Variants in CEP112 observed in about 807,000 individuals in gnomAD.
CEP112 encodes centrosomal protein of 112 kDa.
Under a neutral mutation model 153.0 loss-of-function variants are expected in CEP112, and 127 were observed. That is an observed-to-expected ratio of 0.83 (90% CI 0.72 to 0.96). The LOEUF (loss-of-function observed/expected upper bound fraction) is 0.96. Ranked by LOEUF, CEP112 falls within the 40% of genes least tolerant of loss-of-function variation. The pLI is 0.00. For missense variants in CEP112, 1,089 were observed against 1,101.2 expected (o/e 0.99, Z 0.16); for synonymous variants, 358 against 374.4 (o/e 0.96, Z 0.51).
chr17:65,937,547 G>C (rs1451883339), intron 18 of CEP112, among the ~76,000 whole-genome samples: 3 of 99,340 alleles, frequency 3.0e-5, no homozygotes, highest in East Asian at 5.1e-4. Context: ...CCGGCCAGCC[G>C]CCCCGTCCGG....
chr17:65,920,359 C>CAAACAAACA (rs1178505560), intron 19 of CEP112, among the ~76,000 whole-genome samples: 1 of 29,830 alleles, frequency 3.4e-5, no homozygotes, highest in African/African-American at 1.3e-4. Context: ...AACAAACAAA[C>CAAACAAACA]AAAATATATA....
intron 24 of CEP112, among the ~76,000 whole-genome samples, chr17:65,642,737 G>C (rs565854247): frequency 1.3e-5 from 2 of 152,092 alleles, no homozygotes; most frequent in Non-Finnish European, 2.9e-5. Flanking sequence ...TCAAATGAAG[G>C]AAAAATGCAA....
chr17:66,074,301 G>A (rs1426978875), intron 8 of CEP112, among the ~76,000 whole-genome samples: 1 of 151,992 alleles, frequency 6.6e-6, no homozygotes, highest in Non-Finnish European at 1.5e-5. Flanking sequence ...CAGAAAAAAA[G>A]ATTGAAGAAT....
chr17:65,842,812 T>G (rs978591164), intron 21 of CEP112, among the ~76,000 whole-genome samples: 1 of 152,176 alleles, frequency 6.6e-6, no homozygotes. Flanking sequence ...AAATATTTGA[T>G]TTGGTTTGAT....
At chr17:66,030,550 T>A (rs1285596015) in intron 12 of CEP112, among the ~76,000 whole-genome samples, 3 of 152,328 alleles carry the variant, frequency 2.0e-5, no homozygotes, top group South Asian at 4.1e-4. Flanking sequence ...TAATTAGTTG[T>A]GTTAGTGTGC....
intron 23 of CEP112, among the ~76,000 whole-genome samples, chr17:65,718,365 A>G (rs527621282): frequency 3.6e-4 from 54 of 151,534 alleles, no homozygotes; most frequent in Admixed American, 2.1e-3. Flanking sequence ...CCGAGGTTGC[A>G]CCATTGCACT....
chr17:66,140,767 G>A (rs1019995128), intron 4 of CEP112, among the ~76,000 whole-genome samples: 1 of 151,874 alleles, frequency 6.6e-6, no homozygotes, highest in African/African-American at 2.4e-5. Context: ...CTCCCCGAGT[G>A]GCTGGGATTA....
intron 22 of CEP112, among the ~76,000 whole-genome samples, chr17:65,745,351 ATT>A (rs1031920840): frequency 1.3e-5 from 2 of 152,216 alleles, no homozygotes; most frequent in African/African-American, 4.8e-5. Context: ...TTGATTAAAT[ATT>A]GTTTCCATTC....
chr17:65,841,594 G>T (rs2057520949), intron 21 of CEP112, among the ~76,000 whole-genome samples: 1 of 151,910 alleles, frequency 6.6e-6, no homozygotes, highest in African/African-American at 2.4e-5. Context: ...GCACAGTGGG[G>T]TGACTATAGT....
intron 8 of CEP112, among the ~76,000 whole-genome samples, chr17:66,087,830 G>A (rs1234548170): frequency 6.6e-6 from 1 of 152,052 alleles, no homozygotes; most frequent in Non-Finnish European, 1.5e-5. Context: ...CCTCCACTTG[G>A]GAGGAGGGAA....
intron 16 of CEP112, among the ~76,000 whole-genome samples, chr17:66,015,223 A>T (rs1225160222): frequency 6.6e-6 from 1 of 152,144 alleles, no homozygotes; most frequent in East Asian, 1.9e-4. Context: ...TAATCTTGAG[A>T]TGCTGAGGCA....
At chr17:65,816,908 T>C (rs1223731733) in intron 21 of CEP112, among the ~76,000 whole-genome samples, 1 of 152,042 alleles carries the variant, frequency 6.6e-6, no homozygotes, top group Non-Finnish European at 1.5e-5. Context: ...TGAAGTCACC[T>C]GGTATAAAAT....
intron 17 of CEP112, among the ~76,000 whole-genome samples, chr17:65,997,650 A>T (rs997023982): frequency 3.3e-5 from 5 of 152,172 alleles, no homozygotes; most frequent in African/African-American, 1.2e-4. Context: ...TTAATGTTTT[A>T]TTATAATTTT....
At chr17:66,141,535 A>G (rs1396958332) in intron 4 of CEP112, among the ~76,000 whole-genome samples, 1 of 152,226 alleles carries the variant, frequency 6.6e-6, no homozygotes, top group East Asian at 1.9e-4. Flanking sequence ...TGTAGCTGAA[A>G]TTTTATATGC....
At chr17:66,139,218 A>G (rs2070575974) in intron 4 of CEP112, among the ~76,000 whole-genome samples, 2 of 152,160 alleles carry the variant, frequency 1.3e-5, no homozygotes, top group African/African-American at 4.8e-5. Context: ...AAATTGAAAA[A>G]CCTTTGGCTA....
intron 18 of CEP112, among the ~76,000 whole-genome samples, chr17:65,938,513 C>G (rs1433136183): frequency 6.6e-6 from 1 of 151,522 alleles, no homozygotes; most frequent in Non-Finnish European, 1.5e-5. Context: ...TGGTGAAAAG[C>G]TGAAAGCTCT....
chr17:66,129,601 T>C (rs2070030959), intron 6 of CEP112, 145 bp downstream of exon 6: 3 of 485,040 alleles, frequency 6.2e-6, no homozygotes, highest in Non-Finnish European at 7.3e-6. Context: ...TTATTTCCTA[T>C]ACTTAAGCCC....
chr17:65,937,487 G>A (rs1360241772), intron 18 of CEP112, among the ~76,000 whole-genome samples: 1,489 of 99,904 alleles, frequency 0.015, no homozygotes, highest in Middle Eastern at 0.094. Flanking sequence ...GAAGTGAGGA[G>A]ACCCTCTGCC....
rs1267187422 is a variant in CEP112 at position 65,984,755 on chromosome 17, T to TA, written c.1736+20934dup. On this transcript the variant is annotated intron_variant, in intron 17 of 26. Transcript: ENST00000535342. ...TTAAGCAAATAGCCCAAGGCCAAGATACACATTTGTATAGCATTGCTGTAA... is the reference window on the plus strand; with the variant it reads ...TTAAGCAAATAGCCCAAGGCCAAGATAACACATTTGTATAGCATTGCTGTAA... 2.0e-5 allele frequency among the ~76,000 whole-genome samples: 3 copies of TA among 152,202 alleles called. No homozygotes were observed. The East Asian group carries it at 5.8e-4, about 29-fold the overall frequency.
Sources: allele counts gnomAD v4.1 joint callset (sites outside exome capture counted in the v4.1 genomes callset), GRCh38; gene constraint gnomAD v4.1.1; transcripts MANE v1.5; gene names NCBI Gene and HGNC (gene_info 2026-07-23, HGNC 2026-07-21).